The following PCDHGB2 variants were observed in gnomAD, a reference collection of about 807,000 sequenced individuals.
The protein encoded by PCDHGB2 is protocadherin gamma subfamily B, 2.
A neutral mutation model predicts 59.3 loss-of-function variants in PCDHGB2; 55 were observed. The ratio of observed to expected loss-of-function variants is 0.93; its 90% CI spans 0.75 to 1.16. PCDHGB2 has a LOEUF of 1.16. Ranked by LOEUF, PCDHGB2 falls within the 50% of genes most tolerant of loss-of-function variation. PCDHGB2 has a pLI of 0.00. For missense variants in PCDHGB2, 1,228 were observed against 1,198.5 expected, an observed-to-expected ratio of 1.02 and a Z score of -0.36; for synonymous variants, 516 against 512.0, an observed-to-expected ratio of 1.01 and a Z score of -0.11.
intron 1 of PCDHGB2, among the ~76,000 whole-genome samples, chr5:141,456,733 G>A (rs1186997201): frequency 6.6e-6 from 1 of 152,182 alleles, no homozygotes; most frequent in Non-Finnish European, 1.5e-5. Context: ...GGGAGGCTGA[G>A]GCGGGAGCAT....
intron 1 of PCDHGB2, chr5:141,372,835 C>T (rs894902171): frequency 1.3e-6 from 2 of 1,535,142 alleles, no homozygotes; most frequent in Non-Finnish European, 1.8e-6. Context: ...CCTTTCCTTC[C>T]ATAAATATAA....
intron 1 of PCDHGB2, chr5:141,389,681 C>T (rs1172050771): frequency 1.2e-6 from 2 of 1,612,438 alleles, no homozygotes; most frequent in South Asian, 1.1e-5. Context: ...CAGGACACAA[C>T]GCCTGGCTGT....
intron 1 of PCDHGB2, chr5:141,407,951 A>C: frequency 1.7e-6 from 1 of 578,566 alleles, no homozygotes; most frequent in Non-Finnish European, 2.8e-6. Context: ...GCTGTCGGCC[A>C]GTGCAGAGCA....
chr5:141,415,227 T>A, intron 1 of PCDHGB2: 2 of 1,614,126 alleles, frequency 1.2e-6, no homozygotes, highest in African/African-American at 2.7e-5. Context: ...GCTTCGAGTC[T>A]CCAGCTAACT....
chr5:141,430,235 G>T (rs1020445956), intron 1 of PCDHGB2, among the ~76,000 whole-genome samples: 3 of 128,670 alleles, frequency 2.3e-5, no homozygotes, highest in Non-Finnish European at 4.7e-5. Context: ...GTCAAAAAGA[G>T]AAACTCCTAG....
intron 1 of PCDHGB2, among the ~76,000 whole-genome samples, chr5:141,445,318 G>T (rs182520609): frequency 2.0e-4 from 30 of 152,306 alleles, no homozygotes; most frequent in African/African-American, 7.2e-4. Context: ...TAGGTTGAGA[G>T]AACCCATCCA....
intron 1 of PCDHGB2, chr5:141,384,813 C>G: frequency 6.2e-7 from 1 of 1,613,412 alleles, no homozygotes. Flanking sequence ...GAGATGCCCT[C>G]AAGCAGAGCC....
chr5:141,403,021 A>G (rs1367554344), intron 1 of PCDHGB2: 2 of 1,613,944 alleles, frequency 1.2e-6, no homozygotes, highest in African/African-American at 1.3e-5. Flanking sequence ...TGGGGATGCT[A>G]TGGGAGGCCA....
chr5:141,486,565 TC>T lies in PCDHGB2; in HGVS notation c.2422-8240del. The T allele has an allele frequency of 6.2e-7, 1 of 1,614,024 alleles. No homozygotes were observed. The highest frequency in any genetic ancestry group is 2.2e-5 in the East Asian group (1 of 44,880). On this transcript the variant is annotated intron_variant, in intron 1 of 3. Transcript: ENST00000522605. This position sits in a 1 kb window ranked among gnomAD's most constrained non-coding sequence, Gnocchi z 5.0. Reference sequence around the variant, plus strand: ...TTCAGAGGTCACATGAGGTGTTTGTTCCTGAGAACAATCGCCCAGGGGACCT... The same window carrying T: ...TTCAGAGGTCACATGAGGTGTTTGTTCTGAGAACAATCGCCCAGGGGACCT...
chr5:141,430,617 C>G, intron 1 of PCDHGB2: 1 of 715,450 alleles, frequency 1.4e-6, no homozygotes, highest in South Asian at 3.9e-5. Context: ...AAGCAGATAG[C>G]TAGGAATGAA....
chr5:141,510,239 C>T (rs2099880022), intron 3 of PCDHGB2, among the ~76,000 whole-genome samples: 1 of 150,434 alleles, frequency 6.6e-6, no homozygotes, highest in Non-Finnish European at 1.5e-5. Flanking sequence ...CGCCACTGCA[C>T]TCCAGGCTGG....
intron 1 of PCDHGB2, chr5:141,364,594 C>G: frequency 6.2e-7 from 1 of 1,614,188 alleles, no homozygotes; most frequent in Non-Finnish European, 8.5e-7. Context: ...TCACCGCGGG[C>G]AGGATAGACC....
rs1041367498 is a variant in PCDHGB2 at position 141,489,060 on chromosome 5, T to G, written c.2422-5747T>G. ...CAGCTCCACTCAAATTCAGCTCCCCTCCCCCCTGCCCACCCCCGCCACTCG... is the reference window on the plus strand; with the variant it reads ...CAGCTCCACTCAAATTCAGCTCCCCGCCCCCCTGCCCACCCCCGCCACTCG... On this transcript the variant is annotated intron_variant, in intron 1 of 3. Transcript: ENST00000522605. This position sits in a 1 kb window ranked among gnomAD's most constrained non-coding sequence, Gnocchi z 4.5. The G allele has an allele frequency of 1.7e-5, 5 of 300,224 alleles. No individual in the cohort carries two copies. The highest frequency in any genetic ancestry group is 2.4e-5 in the African/African-American group (1 of 42,484). The allele number at this position is 300,224 out of a possible 1,614,324, so 18.6% of individuals were successfully genotyped here.
intron 1 of PCDHGB2, chr5:141,393,714 A>G: frequency 6.2e-7 from 1 of 1,613,878 alleles, no homozygotes; most frequent in South Asian, 1.1e-5. Flanking sequence ...TACTGGGGAA[A>G]TATCAATAGC....
chr5:141,415,494 C>T lies in PCDHGB2; in HGVS notation c.2421+52938C>T, dbSNP rs377609539. 2.5e-6 allele frequency: 4 copies of T among 1,614,110 alleles called. No homozygotes were observed. The African/African-American group carries it at 4.0e-5, about 16-fold the overall frequency. ...CGGACTCGCGAAAGAGTCACCTGAT[C>T]TTCCCCCAGCCCAATTATGCGGACA... On this transcript the variant is annotated intron_variant, in intron 1 of 3. Transcript: ENST00000522605.
In PCDHGB2 at chr5:141,476,303, G is replaced by T. The variant is rs747567754; in HGVS notation, c.2422-18504G>T. ...TGGTTTGGATCTCGGTAGCCTCTCA[G>T]CCCGCAGGTTCCGGGTGGTGTCTGG... is the stretch of plus-strand genomic sequence containing the variant. On this transcript the variant is annotated intron_variant, in intron 1 of 3. Coordinates refer to ENST00000522605, the MANE Select transcript of PCDHGB2 (RefSeq NM_018923.3). The surrounding 1 kb of genome is among the most constrained non-coding windows in gnomAD (Gnocchi z 7.6). 6.2e-7 allele frequency: 1 copy of T among 1,613,872 alleles called. No individual in the cohort carries two copies. Among genetic ancestry groups the T allele is most frequent in the Admixed American group, 1.7e-5 (1 of 60,000 alleles).
At chr5:141,363,810 T>C (rs1763071623) in intron 1 of PCDHGB2, among the ~76,000 whole-genome samples, 1 of 152,204 alleles carries the variant, frequency 6.6e-6, no homozygotes, top group Non-Finnish European at 1.5e-5. Flanking sequence ...AAATCTTGAA[T>C]CCTACAAAGG....
At chr5:141,443,383 G>A (rs1302172660) in intron 1 of PCDHGB2, among the ~76,000 whole-genome samples, 1 of 152,130 alleles carries the variant, frequency 6.6e-6, no homozygotes, top group Non-Finnish European at 1.5e-5. Flanking sequence ...TACTTGGGAG[G>A]CTGAGGTGTG....
At chr5:141,415,185 C>G (rs375113497) in intron 1 of PCDHGB2, 66 of 1,613,860 alleles carry the variant, frequency 4.1e-5, no homozygotes, top group Non-Finnish European at 5.4e-5. Flanking sequence ...CCGTGGCCGA[C>G]AGCATCCCCC....
Sources: gnomAD v4.1 joint callset for allele counts (sites outside exome capture counted in the v4.1 genomes callset) on GRCh38, gnomAD v4.1.1 for gene constraint, Gnocchi (gnomAD v3.1) non-coding constraint, MANE v1.5 for transcripts, NCBI Gene and HGNC (gene_info 2026-07-23, HGNC 2026-07-21) for gene names.